The following BOD1L1 variants were observed in gnomAD, a reference collection of about 807,000 sequenced individuals.
The protein encoded by BOD1L1 is biorientation of chromosomes in cell division 1 like 1, also known as biorientation of chromosomes in cell division protein 1-like 1.
A neutral mutation model predicts 240.7 loss-of-function variants in BOD1L1; 86 were observed. The observed-to-expected ratio is 0.36, with a 90% CI of 0.30 to 0.43. BOD1L1 has a LOEUF of 0.43. BOD1L1 is among the 20% of genes least tolerant of loss of function. The probability of loss-of-function intolerance (pLI) is 1.00; values close to 1 mark genes in which losing one functional copy is unlikely to be tolerated. For missense variants in BOD1L1, 3,554 were observed against 3,643.5 expected, an observed-to-expected ratio of 0.98 and a Z score of 0.63; for synonymous variants, 1,268 against 1,272.3, an observed-to-expected ratio of 1.00 and a Z score of 0.07.
At chr4:13,591,184 C>G (rs1312496701) in intron 13 of BOD1L1, among the ~76,000 whole-genome samples, 1 of 152,120 alleles carries the variant, frequency 6.6e-6, no homozygotes, top group Non-Finnish European at 1.5e-5. Context: ...GGACTATAGG[C>G]CATGCCACTG....
Position 13,582,240 on chromosome 4 carries a change from C to T in BOD1L1, c.8589G>A (p.Gln2863=). 1.9e-6 allele frequency: 3 copies of T among 1,611,168 alleles called. No individual in the cohort carries two copies. Among genetic ancestry groups the T allele is most frequent in the South Asian group, 1.1e-5 (1 of 90,812 alleles). ...AAATACGAAAAGCACATCTCACCTC[C>T]TGAGATTTTATGGTGTCATCATCGT... ...EQNDDDTIKS[Q]EEDQPIIIKR... The change falls in exon 19 of 26, where the codon CAG becomes CAA. Residue 2863 remains glutamine, a synonymous_variant. Coordinates refer to ENST00000040738, the MANE Select transcript of BOD1L1 (RefSeq NM_148894.3).
Position 13,602,329 on chromosome 4 carries a change from T to G in BOD1L1, c.4571A>C (p.Lys1524Thr), listed in dbSNP as rs770536165. 3 of 1,613,978 alleles carry G rather than the reference T, an allele frequency of 1.9e-6. No individual in the cohort carries two copies. In the South Asian group the frequency reaches 3.3e-5, roughly 18 times the overall value. Residue 1524 changes from lysine (K) to threonine (T), a missense_variant, in exon 10 of 26, where the codon AAG becomes ACG. By Grantham distance (78) the Lys-to-Thr change is moderately conservative (BLOSUM62 -1). Transcript: ENST00000040738. ...TGGACTTAAGGTGACATCTTTGTCCTTCCCTTCAGTACTAGTGGCAACAGA... is the reference window on the plus strand; with the variant it reads ...TGGACTTAAGGTGACATCTTTGTCCGTCCCTTCAGTACTAGTGGCAACAGA... The part of the protein sequence containing the change: ...KTSVATSTEG[K>T]DKDVTLSPVK...
At chr4:13,590,222 C>T (rs1714088736) in intron 14 of BOD1L1, among the ~76,000 whole-genome samples, 164 bp downstream of exon 14, 1 of 152,190 alleles carries the variant, frequency 6.6e-6, no homozygotes, top group African/African-American at 2.4e-5. Flanking sequence ...ACTCGTTCTC[C>T]TCAACTATAC....
chr4:13,615,191 A>T, intron 3 of BOD1L1, 121 bp downstream of exon 3: 1 of 1,020,404 alleles, frequency 9.8e-7, no homozygotes, highest in Non-Finnish European at 1.4e-6. Flanking sequence ...GGTGATATTT[A>T]AAGTACAATT....
chr4:13,613,598 G>C lies in BOD1L1; in HGVS notation c.1238C>G (p.Thr413Ser), dbSNP rs1324336191. Reference protein sequence around the residue: ...LTDITVSSVHTSDLSSFEEDT... With the variant: ...LTDITVSSVHSSDLSSFEEDT... Reference sequence around the variant, plus strand: ...TTCTTCAAAAGATGAAAGGTCACTGGTATGAACAGAGCTAACTGTGATGTC... The same window carrying C: ...TTCTTCAAAAGATGAAAGGTCACTGCTATGAACAGAGCTAACTGTGATGTC... Residue 413 changes from threonine (T) to serine (S), a missense_variant, in exon 5 of 26, where the codon ACC (threonine) becomes AGC (serine). Thr to Ser is a moderately conservative substitution (Grantham distance 58, BLOSUM62 1). Transcript: ENST00000040738. The surrounding 1 kb of genome is among the most constrained non-coding windows in gnomAD (Gnocchi z 4.0). The C allele has an allele frequency of 6.2e-7, 1 of 1,611,452 alleles. No homozygotes were observed. Among genetic ancestry groups the C allele is most frequent in the East Asian group, 2.2e-5 (1 of 44,810 alleles).
In BOD1L1 at chr4:13,601,199, T is replaced by C; in HGVS notation, c.5701A>G (p.Ser1901Gly). 3.1e-6 allele frequency: 5 copies of C among 1,614,016 alleles called. No homozygotes were observed. Among genetic ancestry groups the C allele is most frequent in the Non-Finnish European group, 4.2e-6 (5 of 1,179,898 alleles). The change falls in exon 10 of 26, where the codon AGT becomes GGT. Residue 1901 changes from serine to glycine, a missense_variant. Ser to Gly is a moderately conservative substitution (Grantham distance 56, BLOSUM62 0). Transcript: ENST00000040738. ...CCAATCTGACTGTCCCCTTCTGCAC[T>C]TTCACAAATCAAGACCCCTTCACTT... ...EESEGVLICE[S>G]AEGDSQIGTV... is the part of the protein sequence containing the mutation.
Position 13,601,068 on chromosome 4 carries a change from T to C in BOD1L1, c.5832A>G (p.Thr1944=), listed in dbSNP as rs1262971311. ...MSGTEKGSKD[T]DICSSAKGIV... ...TCCCTTTTGCACTGGAGCAGATATCTGTGTCTTTACTTCCTTTCTCTGTGC... is the reference window on the plus strand; with the variant it reads ...TCCCTTTTGCACTGGAGCAGATATCCGTGTCTTTACTTCCTTTCTCTGTGC... Residue 1944 remains threonine, a synonymous_variant, in exon 10 of 26, where the codon ACA becomes ACG. Coordinates refer to ENST00000040738, the MANE Select transcript of BOD1L1 (RefSeq NM_148894.3). 6.2e-7 allele frequency: 1 copy of C among 1,613,978 alleles called. No individual in the cohort carries two copies. The highest frequency in any genetic ancestry group is 8.5e-7 in the Non-Finnish European group (1 of 1,179,892).
chr4:13,616,483 G>A (rs1716605378), intron 2 of BOD1L1, among the ~76,000 whole-genome samples: 1 of 152,216 alleles, frequency 6.6e-6, no homozygotes, highest in African/African-American at 2.4e-5. Flanking sequence ...AAAGGCATCT[G>A]AGTAAAATAA....
intron 1 of BOD1L1, chr4:13,626,418 A>G (rs1717400091): frequency 1.9e-5 from 3 of 154,754 alleles, no homozygotes; most frequent in African/African-American, 7.2e-5. Context: ...AACAACCCCT[A>G]CAAACCAGTT....
chr4:13,588,925 A>G (rs1713953432), intron 14 of BOD1L1, 133 bp from the exon 15 acceptor site: 1 of 536,766 alleles, frequency 1.9e-6, no homozygotes, highest in Non-Finnish European at 3.2e-6. Context: ...TATACAGGGC[A>G]TTGTGGTAGA....
rs761194021 is a variant in BOD1L1 at position 13,599,777 on chromosome 4, T to C, written c.7123A>G (p.Met2375Val). 6 of 1,613,918 alleles carry C rather than the reference T, an allele frequency of 3.7e-6. No individual in the cohort carries two copies. In the East Asian group the frequency reaches 8.9e-5, roughly 24 times the overall value. The change falls in exon 10 of 26, where the codon ATG becomes GTG. Residue 2375 changes from methionine (M) to valine (V), a missense_variant. By Grantham distance (21) the Met-to-Val change is conservative. Transcript: ENST00000040738. ...TTATTCTCAGCAATTAGGCTGGGCA[T>C]GGGGACCTTGTGCTTGCTCACTTCT... ...ATEVSKHKVP[M>V]PSLIAENNCR...
intron 12 of BOD1L1, chr4:13,592,374 G>T: frequency 1.2e-5 from 2 of 160,056 alleles, no homozygotes; most frequent in Admixed American, 6.2e-5. Flanking sequence ...CAACAGCAAT[G>T]GTCTGTTTAT....
At position 13,611,244 on chromosome 4, in the gene BOD1L1, A is replaced by G. The variant is rs114407870; in HGVS notation, c.1325-144T>C. ...GTGAAGATTTCAGAAATTGACTTTTAAAAGCTATAATTCATATTTTTATTT... is the reference window on the plus strand; with the variant it reads ...GTGAAGATTTCAGAAATTGACTTTTGAAAGCTATAATTCATATTTTTATTT... On this transcript the variant is annotated intron_variant, in intron 5 of 25. Coordinates refer to ENST00000040738, the MANE Select transcript of BOD1L1 (RefSeq NM_148894.3). The G allele has an allele frequency of 5.0e-3, 2,847 of 571,750 alleles. 58 individuals are homozygous for G. The highest frequency in any genetic ancestry group is 0.048 in the African/African-American group (2,556 of 52,864). The allele number at this position is 571,750 out of a possible 1,614,324, so 35.4% of individuals were successfully genotyped here.
In BOD1L1 at chr4:13,587,581, G is replaced by A. The variant is rs1414637525; in HGVS notation, c.8353+118C>T. On this transcript the variant is annotated intron_variant, in intron 16 of 25. Coordinates refer to ENST00000040738, the MANE Select transcript of BOD1L1 (RefSeq NM_148894.3). Reference sequence around the variant, plus strand: ...CAGTCTAGAAACAAATTAGCCTCAAGACTTGTAAAGTAGAGAGTTACTATC... The same window carrying A: ...CAGTCTAGAAACAAATTAGCCTCAAAACTTGTAAAGTAGAGAGTTACTATC... 4 of 729,348 alleles carry A rather than the reference G, an allele frequency of 5.5e-6. No homozygotes were observed. The Admixed American group carries it at 1.1e-4, about 19-fold the overall frequency. 45.2% of individuals were successfully genotyped at this position (729,348 alleles called of 1,614,324 possible).
intron 11 of BOD1L1, 46 bp downstream of exon 11, chr4:13,597,058 G>C: frequency 7.2e-7 from 1 of 1,393,834 alleles, no homozygotes; most frequent in Non-Finnish European, 1.0e-6. Flanking sequence ...TGATGAAACA[G>C]TATTTAATCA....
In BOD1L1 at chr4:13,571,138, A is replaced by G. The variant is rs1250776948; in HGVS notation, c.9039-1010T>C. Among the ~76,000 whole-genome samples the G allele has an allele frequency of 2.0e-5, 3 of 152,202 alleles. 1 individual carries two copies. The highest frequency in any genetic ancestry group is 4.4e-5 in the Non-Finnish European group (3 of 68,022). On this transcript the variant is annotated intron_variant, in intron 25 of 25. Transcript: ENST00000040738. ...AGTGGGTTGTTGCCAAAAAAGTTTG[A>G]AAGTCTTATACACATATATCTCCCC...
rs1401786486 is a variant in BOD1L1, at chr4:13,599,072, T to A, written c.7828A>T (p.Ser2610Cys). 6.2e-7 allele frequency: 1 copy of A among 1,614,028 alleles called. No individual in the cohort carries two copies. Among genetic ancestry groups the A allele is most frequent in the African/African-American group, 1.3e-5 (1 of 75,054 alleles). ...EQDLTIKNDYSGKWTDQASAE... is the reference protein window; with the variant it reads ...EQDLTIKNDYCGKWTDQASAE... ...GATGCTTGATCAGTCCATTTGCCACTATAATCATTCTTTATAGTCAAGTCC... is the reference window on the plus strand; with the variant it reads ...GATGCTTGATCAGTCCATTTGCCACAATAATCATTCTTTATAGTCAAGTCC... Residue 2610 changes from serine to cysteine, a missense_variant, in exon 10 of 26, where the codon AGT becomes TGT. By Grantham distance (112) the Ser-to-Cys change is moderately radical. Around this residue, in one of 2 missense-constraint regions of BOD1L1, gnomAD observed 3,393 missense variants for 3,427.1 expected, o/e 0.99. Transcript: ENST00000040738.
At chr4:13,592,063 T>TAAAA in intron 12 of BOD1L1, 97 bp from the exon 13 acceptor site, 6 of 845,108 alleles carry the variant, frequency 7.1e-6, no homozygotes, top group Non-Finnish European at 1.1e-5. Flanking sequence ...GAACCTATCC[T>TAAAA]ATGTCACCAA....
chr4:13,580,900 C>T, intron 21 of BOD1L1, 120 bp downstream of exon 21: 2 of 873,966 alleles, frequency 2.3e-6, no homozygotes, highest in African/African-American at 3.5e-5. Flanking sequence ...TGAATGGTTA[C>T]TCAGTCTTTT....
Sources: allele counts gnomAD v4.1 joint callset (sites outside exome capture counted in the v4.1 genomes callset), GRCh38; gene constraint gnomAD v4.1.1; regional missense constraint gnomAD v4.1.1; non-coding constraint Gnocchi (gnomAD v3.1); transcripts MANE v1.5; gene names NCBI Gene and HGNC (gene_info 2026-07-23, HGNC 2026-07-21).